The following SPON1 variants were observed in gnomAD, a reference collection of about 807,000 sequenced individuals.
The protein encoded by SPON1 is spondin 1, also known as spondin-1.
A neutral mutation model predicts 111.7 loss-of-function variants in SPON1; 52 were observed. That is an observed-to-expected ratio of 0.47 (90% confidence interval 0.37 to 0.59). SPON1 has a LOEUF of 0.59. Among genes scored for constraint, SPON1 ranks in the 20% least tolerant of loss-of-function variants. The probability of loss-of-function intolerance (pLI) is 0.00; values close to 1 mark genes in which losing one functional copy is unlikely to be tolerated. For missense variants in SPON1, 957 were observed against 1,068.5 expected (o/e 0.90, Z 1.46); for synonymous variants, 410 against 395.8 (o/e 1.04, Z -0.43).
At chr11:14,177,332 A>G (rs7936006) in intron 6 of SPON1, among the ~76,000 whole-genome samples, 68,705 of 151,942 alleles carry the variant, frequency 0.45, 15,774 homozygotes, top group East Asian at 0.55. Context: ...GAACCACTGC[A>G]ACCAGCCCAG....
At chr11:14,060,646 C>A (rs1311318158) in intron 3 of SPON1, among the ~76,000 whole-genome samples, 1 of 152,220 alleles carries the variant, frequency 6.6e-6, no homozygotes, top group Non-Finnish European at 1.5e-5. Context: ...ATTCTGATCT[C>A]ATCTGTCTGG....
intron 3 of SPON1, among the ~76,000 whole-genome samples, chr11:14,071,785 C>T (rs1437661090): frequency 6.6e-6 from 1 of 152,096 alleles, no homozygotes; most frequent in African/African-American, 2.4e-5. Context: ...AATCTCAGCT[C>T]ACTGCAACCT....
intron 6 of SPON1, among the ~76,000 whole-genome samples, chr11:14,211,840 T>G (rs1272214218): frequency 6.6e-6 from 1 of 152,216 alleles, no homozygotes; most frequent in Non-Finnish European, 1.5e-5. Context: ...TAAATATTTT[T>G]TCTTCTTTCC....
chr11:14,131,080 C>T (rs780394076), intron 5 of SPON1, among the ~76,000 whole-genome samples: 8 of 152,146 alleles, frequency 5.3e-5, no homozygotes, highest in Non-Finnish European at 1.0e-4. Flanking sequence ...TTTTCCAATG[C>T]CATTTACCAC....
At chr11:14,023,905 G>C (rs1554914995) in intron 2 of SPON1, among the ~76,000 whole-genome samples, 2 of 152,138 alleles carry the variant, frequency 1.3e-5, no homozygotes, top group African/African-American at 4.8e-5. Flanking sequence ...GGGAGGCTGA[G>C]GCAGGAGAAT....
At chr11:14,234,530 C>T (rs988138559) in intron 6 of SPON1, among the ~76,000 whole-genome samples, 10 of 152,166 alleles carry the variant, frequency 6.6e-5, no homozygotes, top group Non-Finnish European at 1.3e-4. Flanking sequence ...GAGGTTAAAT[C>T]CAGGATGGTA....
chr11:14,214,384 A>G (rs1848605978), intron 6 of SPON1, among the ~76,000 whole-genome samples: 1 of 152,148 alleles, frequency 6.6e-6, no homozygotes, highest in Admixed American at 6.5e-5. Flanking sequence ...TTGCATAGAT[A>G]GGTGGTTCCC....
chr11:14,096,799 T>C (rs1056277612), intron 5 of SPON1, among the ~76,000 whole-genome samples: 2 of 152,196 alleles, frequency 1.3e-5, no homozygotes, highest in Non-Finnish European at 2.9e-5. Context: ...CTTGCCCCAC[T>C]TGAGTATGCC....
chr11:14,120,356 A>G (rs529455202), intron 5 of SPON1, among the ~76,000 whole-genome samples: 3 of 152,234 alleles, frequency 2.0e-5, no homozygotes, highest in Admixed American at 2.0e-4. Context: ...CTCTGTGCTC[A>G]ATATGGCCAT....
chr11:14,200,945 G>A (rs185035440), intron 6 of SPON1, among the ~76,000 whole-genome samples: 1 of 151,508 alleles, frequency 6.6e-6, no homozygotes, highest in Admixed American at 6.6e-5. Flanking sequence ...AAACAGACCT[G>A]TGTTTGAATC....
At chr11:14,201,307 T>C (rs1848460423) in intron 6 of SPON1, among the ~76,000 whole-genome samples, 1 of 151,506 alleles carries the variant, frequency 6.6e-6, no homozygotes, top group Admixed American at 6.6e-5. Context: ...GCCACTGCAC[T>C]CTAGCCTGGG....
intron 3 of SPON1, among the ~76,000 whole-genome samples, chr11:14,055,683 C>T (rs117086814): frequency 0.017 from 2,605 of 152,308 alleles, 48 homozygotes; most frequent in Non-Finnish European, 0.027. Context: ...AGCTCCTCTC[C>T]CTGCCTTTGC....
chr11:14,246,264 T>G (rs1297216053), intron 7 of SPON1, among the ~76,000 whole-genome samples: 1 of 152,162 alleles, frequency 6.6e-6, no homozygotes, highest in East Asian at 1.9e-4. Flanking sequence ...AGAGCAGTCC[T>G]TTTTACCTTC....
intron 2 of SPON1, among the ~76,000 whole-genome samples, chr11:14,006,693 C>T (rs1848364476): frequency 6.6e-6 from 1 of 152,168 alleles, no homozygotes; most frequent in African/African-American, 2.4e-5. Context: ...AACACTTCTG[C>T]CATAGCCCAT....
In SPON1 at chr11:14,160,941, A is replaced by G. The variant is rs1252210017; in HGVS notation, c.825+25373A>G. Among the ~76,000 whole-genome samples the G allele has an allele frequency of 2.9e-3, 127 of 43,694 alleles. 18 individuals carry two copies. The highest frequency in any genetic ancestry group is 0.02 in the East Asian group (15 of 746). 28.7% of individuals were successfully genotyped at this position (43,694 alleles called of 152,430 possible). On this transcript the variant is annotated intron_variant, in intron 6 of 15. Coordinates refer to ENST00000576479, the MANE Select transcript of SPON1 (RefSeq NM_006108.4). ...TTTATATATTTATATATTTATATAT[A>G]TATTTATATATTTATATATATTTAT...
chr11:13,981,809 C>A (rs1848146872), intron 1 of SPON1, among the ~76,000 whole-genome samples: 1 of 152,164 alleles, frequency 6.6e-6, no homozygotes, highest in Admixed American at 6.5e-5. Context: ...TGTTTAAAAT[C>A]CCCAGTTTCC....
chr11:14,234,064 T>C (rs1848834881), intron 6 of SPON1, among the ~76,000 whole-genome samples: 1 of 152,116 alleles, frequency 6.6e-6, no homozygotes, highest in Admixed American at 6.5e-5. Flanking sequence ...CGACCCCCAG[T>C]GCTGTTTCTT....
chr11:14,064,002 C>T (rs1919296), intron 3 of SPON1, among the ~76,000 whole-genome samples: 69,366 of 151,986 alleles, frequency 0.46, 16,501 homozygotes, highest in South Asian at 0.65. Flanking sequence ...GTTTGTGCTT[C>T]TTGCCAGATT....
chr11:14,247,315 C>T (rs566026617), intron 7 of SPON1, among the ~76,000 whole-genome samples: 1 of 152,242 alleles, frequency 6.6e-6, no homozygotes, highest in East Asian at 1.9e-4. Context: ...GAGGCTGAGG[C>T]AGGAGGATCA....
Sources: allele counts gnomAD v4.1 joint callset (sites outside exome capture counted in the v4.1 genomes callset), GRCh38; gene constraint gnomAD v4.1.1; transcripts MANE v1.5; gene names NCBI Gene and HGNC (gene_info 2026-07-23, HGNC 2026-07-21).